EMSY: variants seen among roughly 807,000 people sequenced by gnomAD.
The protein encoded by EMSY is BRCA2-interacting transcriptional repressor EMSY.
Under a neutral mutation model 134.6 loss-of-function variants are expected in EMSY, and 26 were observed. That is an observed-to-expected ratio of 0.19 (90% CI 0.14 to 0.27). The LOEUF (loss-of-function observed/expected upper bound fraction) is 0.27. Among genes scored for constraint, EMSY ranks in the 10% least tolerant of loss-of-function variants. The pLI is 1.00. For synonymous variants in EMSY, 579 were observed against 577.8 expected, an observed-to-expected ratio of 1.00 and a Z score of -0.03; for missense variants, 1,305 against 1,611.4, an observed-to-expected ratio of 0.81 and a Z score of 3.26.
chr11:76,463,780 T>G (rs767331673), intron 6 of EMSY, 41 bp from the exon 8 acceptor site: 11 of 1,596,104 alleles, frequency 6.9e-6, no homozygotes, highest in Middle Eastern at 1.7e-4. Flanking sequence ...AATGCAAGAT[T>G]AGTTTGGTAT....
At chr11:76,445,452 A>G (rs1009953802) in intron 1 of EMSY, among the ~76,000 whole-genome samples, 3 of 151,978 alleles carry the variant, frequency 2.0e-5, no homozygotes, top group Admixed American at 6.5e-5. Flanking sequence ...GACAACAGCT[A>G]CTGGCCCAGA....
rs371368357 is a variant in EMSY, at chr11:76,493,167, G to C, written c.1109-3048G>C. ...CAGAGCAAAGTTGAGGCCTAGCCTG[G>C]GTGCTGTTGCCACCCAGCTGGGTGC... On this transcript the variant is annotated intron_variant, in intron 8 of 20. Transcript: ENST00000334736. Among the ~76,000 whole-genome samples, 32 of 152,282 alleles carry C rather than the reference G, an allele frequency of 2.1e-4. No individual in the cohort carries two copies. In the East Asian group the frequency reaches 5.4e-3, roughly 26 times the overall value.
intron 8 of EMSY, among the ~76,000 whole-genome samples, chr11:76,486,089 A>G (rs1402239059): frequency 2.0e-5 from 3 of 152,242 alleles, no homozygotes; most frequent in African/African-American, 7.2e-5. Context: ...GGATGATTTC[A>G]TGTCCTTTGC....
intron 7 of EMSY, among the ~76,000 whole-genome samples, chr11:76,468,732 T>C (rs1316320923): frequency 6.6e-6 from 1 of 152,220 alleles, no homozygotes; most frequent in Non-Finnish European, 1.5e-5. Context: ...CATTTCCACC[T>C]GTGTTAATGT....
chr11:76,512,484 A>C (rs1034503642), intron 9 of EMSY, among the ~76,000 whole-genome samples: 1 of 152,170 alleles, frequency 6.6e-6, no homozygotes, highest in Non-Finnish European at 1.5e-5. Flanking sequence ...CCTAGAAGCT[A>C]GCATTCCTAT....
chr11:76,460,982 T>G (rs1300961887), intron 6 of EMSY: 1 of 151,244 alleles, frequency 6.6e-6, no homozygotes, highest in African/African-American at 2.4e-5. Context: ...AGAGCAAGAC[T>G]CTGTCTCAAA....
chr11:76,528,542 T>C, intron 14 of EMSY, 76 bp downstream of exon 15: 1 of 1,078,814 alleles, frequency 9.3e-7, no homozygotes, highest in Non-Finnish European at 1.3e-6. Context: ...AGGTTGCTTC[T>C]ACACATTTCA....
At chr11:76,482,770 G>A (rs150069406) in intron 8 of EMSY, among the ~76,000 whole-genome samples, 1,559 of 152,288 alleles carry the variant, frequency 0.01, 28 homozygotes, top group East Asian at 0.058. Context: ...CCAAACCTGC[G>A]TTTGATTGGT....
chr11:76,511,368 C>T (rs1008212466), intron 9 of EMSY, among the ~76,000 whole-genome samples: 1 of 152,068 alleles, frequency 6.6e-6, no homozygotes, highest in Admixed American at 6.6e-5. Context: ...TCTCTGTGTG[C>T]TTATTTCTTT....
chr11:76,469,494 T>A (rs1304199828), intron 7 of EMSY, among the ~76,000 whole-genome samples: 1 of 152,220 alleles, frequency 6.6e-6, no homozygotes, highest in African/African-American at 2.4e-5. Context: ...AAACAAAGTA[T>A]ATTGAAATGC....
chr11:76,466,150 A>G (rs1200423848), intron 7 of EMSY, among the ~76,000 whole-genome samples: 11 of 152,138 alleles, frequency 7.2e-5, no homozygotes, highest in Admixed American at 3.3e-4. Flanking sequence ...TTCTTTGTCA[A>G]TCTCCCTCAT....
chr11:76,458,132 T>C, intron 4 of EMSY, 51 bp from the exon 6 acceptor site: 1 of 1,499,828 alleles, frequency 6.7e-7, no homozygotes, highest in African/African-American at 1.4e-5. Context: ...TATGTTTGAT[T>C]TGTTTTTAGT....
At chr11:76,528,025 A>G (rs1950904565) in intron 13 of EMSY, among the ~76,000 whole-genome samples, 1 of 152,054 alleles carries the variant, frequency 6.6e-6, no homozygotes, top group African/African-American at 2.4e-5. Context: ...AACAGGCACA[A>G]AGGTTCTTGT....
rs374026470 is a variant in EMSY at position 76,537,926 on chromosome 11, C to T, written c.2491C>T (p.Leu831=). Residue 831 remains leucine (L), a synonymous_variant, in exon 16 of 21, where the codon CTA becomes TTA. Transcript: ENST00000334736. ...ATCAATTGCTGTGGTAGAGTCAGAA[C>T]TAGTAGCTGAATACATCACTACTGG... 14 of 1,612,972 alleles carry T rather than the reference C, an allele frequency of 8.7e-6. No homozygotes were observed. The African/African-American group carries it at 1.6e-4, about 18-fold the overall frequency.
At chr11:76,491,384 G>T (rs59388706) in intron 8 of EMSY, among the ~76,000 whole-genome samples, 1 of 151,968 alleles carries the variant, frequency 6.6e-6, no homozygotes, top group African/African-American at 2.4e-5. Context: ...GTCTTGCTAT[G>T]TTGACCAGGG....
intron 9 of EMSY, chr11:76,496,903 G>T: frequency 3.4e-6 from 1 of 294,712 alleles, no homozygotes. Flanking sequence ...TTATTTTATT[G>T]TCTAGAACTT....
At chr11:76,546,393 A>G (rs1018355761) in intron 20 of EMSY, 96 bp downstream of exon 21, 9 of 1,451,090 alleles carry the variant, frequency 6.2e-6, no homozygotes, top group Middle Eastern at 4.6e-4. Flanking sequence ...AATCAAGCCA[A>G]GACAGCAGGA....
At chr11:76,541,494 G>A (rs1314494750) in intron 17 of EMSY, among the ~76,000 whole-genome samples, 1 of 152,158 alleles carries the variant, frequency 6.6e-6, no homozygotes, top group African/African-American at 2.4e-5. Context: ...GGTAGAAACA[G>A]CAAGCCTTTA....
At chr11:76,498,128 G>GGTTT (rs534040793) in intron 9 of EMSY, among the ~76,000 whole-genome samples, 1 of 151,814 alleles carries the variant, frequency 6.6e-6, no homozygotes, top group East Asian at 1.9e-4. Flanking sequence ...GATTTTTCTG[G>GGTTT]GTTTGTTTGT....
Sources: gnomAD v4.1 joint callset for allele counts (sites outside exome capture counted in the v4.1 genomes callset) on GRCh38, gnomAD v4.1.1 for gene constraint, MANE v1.5 for transcripts, NCBI Gene and HGNC (gene_info 2026-07-23, HGNC 2026-07-21) for gene names.